The following ADH7 variants were observed in gnomAD, a reference collection of about 807,000 sequenced individuals.
ADH7 encodes alcohol dehydrogenase 7 (class IV), mu or sigma polypeptide, also known as all-trans-retinol dehydrogenase [NAD(+)] ADH7.
Under a neutral mutation model 34.4 loss-of-function variants are expected in ADH7, and 41 were observed. That is an observed-to-expected ratio of 1.19 (90% CI 0.93 to 1.55). The LOEUF (loss-of-function observed/expected upper bound fraction) is 1.55, where lower values mean the gene tolerates loss of function less well. Ranked by LOEUF, ADH7 falls within the 40% of genes most tolerant of loss-of-function variation. The probability of loss-of-function intolerance (pLI) is 0.00; values close to 1 mark genes in which losing one functional copy is unlikely to be tolerated. For synonymous variants in ADH7, 180 were observed against 160.9 expected, an observed-to-expected ratio of 1.12 and a Z score of -0.90; for missense variants, 540 against 461.2, an observed-to-expected ratio of 1.17 and a Z score of -1.56.
chr4:99,430,511 T>A (rs191380566), intron 1 of ADH7, among the ~76,000 whole-genome samples: 1 of 152,332 alleles, frequency 6.6e-6, no homozygotes, highest in African/African-American at 2.4e-5. Context: ...AATTAATTTG[T>A]TCAGATGCAA....
At chr4:99,424,291 A>G (rs1326555701) in intron 5 of ADH7, among the ~76,000 whole-genome samples, 12 of 152,164 alleles carry the variant, frequency 7.9e-5, no homozygotes, top group Non-Finnish European at 1.8e-4. Context: ...GCCTTGTAGT[A>G]TAGTTTGAAG....
chr4:99,422,584 A>T (rs1721692073), intron 5 of ADH7, among the ~76,000 whole-genome samples: 1 of 152,166 alleles, frequency 6.6e-6, no homozygotes, highest in Admixed American at 6.5e-5. Flanking sequence ...ATACCTGTGT[A>T]ACAAACCTGC....
chr4:99,434,333 T>A (rs17529530), intron 1 of ADH7, among the ~76,000 whole-genome samples: 3,613 of 152,244 alleles, frequency 0.024, 82 homozygotes, highest in Non-Finnish European at 0.037. Context: ...CTGACCCAAA[T>A]TAGGATGGTT....
intron 4 of ADH7, 44 bp downstream of exon 4, chr4:99,428,043 A>G (rs1275030867): frequency 1.2e-6 from 2 of 1,612,770 alleles, no homozygotes; most frequent in Middle Eastern, 3.3e-4. Flanking sequence ...AAATTAGCAT[A>G]GGAAAAATGT....
At chr4:99,432,292 C>A (rs1381666782) in intron 1 of ADH7, among the ~76,000 whole-genome samples, 1 of 151,956 alleles carries the variant, frequency 6.6e-6, no homozygotes, top group African/African-American at 2.4e-5. Context: ...AAGAAAAGAA[C>A]AATGGACACC....
chr4:99,430,850 T>C (rs994824784), intron 1 of ADH7, among the ~76,000 whole-genome samples: 1 of 152,092 alleles, frequency 6.6e-6, no homozygotes, highest in Non-Finnish European at 1.5e-5. Flanking sequence ...TAGGCTGGAG[T>C]GTAGTGGCGC....
rs1721858424 is a variant in ADH7 at position 99,428,194 on chromosome 4, A to G, written c.260-20T>C. ...TGTCACCTACAGGAAAAAAATCATG[A>G]TATAAGATGCTGTTCATTAATGTTA... On this transcript the variant is annotated intron_variant, in intron 3 of 8. Coordinates refer to ENST00000437033, the MANE Select transcript of ADH7 (RefSeq NM_000673.7). 2 of 1,587,912 alleles carry G rather than the reference A, an allele frequency of 1.3e-6. No homozygotes were observed. Among genetic ancestry groups the G allele is most frequent in the East Asian group, 2.2e-5 (1 of 44,758 alleles).
Position 99,435,289 on chromosome 4 carries a change from C to T in ADH7, c.-56G>A. 1 of 1,611,114 alleles carries T rather than the reference C, an allele frequency of 6.2e-7. No homozygotes were observed. Among genetic ancestry groups the T allele is most frequent in the African/African-American group, 1.3e-5 (1 of 74,982 alleles). On this transcript the variant is annotated 5_prime_UTR_variant, in exon 1 of 9. Transcript: ENST00000437033. The stretch of plus-strand genomic sequence containing the variant: ...AAACATAGACTTTTTCTGACTGATG[C>T]TCAGTTCACTCTGTTGTATATAACA...
intron 7 of ADH7, among the ~76,000 whole-genome samples, chr4:99,417,412 C>A (rs1032830031): frequency 1.3e-5 from 2 of 152,096 alleles, no homozygotes; most frequent in African/African-American, 4.8e-5. Flanking sequence ...CTGGAATATT[C>A]TTTCCCAAGA....
Position 99,412,292 on chromosome 4 carries a change from T to C in ADH7, c.*856A>G, listed in dbSNP as rs1721425747. 6.6e-6 allele frequency: 1 copy of C among 152,134 alleles called. No individual in the cohort carries two copies. The highest frequency in any genetic ancestry group is 1.5e-5 in the Non-Finnish European group (1 of 67,980). 9.4% of individuals were successfully genotyped at this position (152,134 alleles called of 1,614,324 possible). The stretch of plus-strand genomic sequence containing the variant: ...ATATAATTTTTAATTTTCTTAAGAA[T>C]TTTTAACATGTTATAGATATATATA... On this transcript the variant is annotated 3_prime_UTR_variant, in exon 9 of 9. Transcript: ENST00000437033.
chr4:99,422,914 A>G (rs1464254930), intron 5 of ADH7, among the ~76,000 whole-genome samples: 1 of 146,864 alleles, frequency 6.8e-6, no homozygotes, highest in African/African-American at 2.5e-5. Context: ...TTTAGGGTAC[A>G]TGTGCACAAT....
intron 6 of ADH7, among the ~76,000 whole-genome samples, chr4:99,419,503 A>T (rs1721599472): frequency 6.6e-6 from 1 of 152,074 alleles, no homozygotes; most frequent in Admixed American, 6.6e-5. Context: ...TTTTAAGTTT[A>T]GTCTTAAAAT....
chr4:99,418,924 C>G (rs1721583163), intron 7 of ADH7, 62 bp downstream of exon 7: 1 of 1,586,440 alleles, frequency 6.3e-7, no homozygotes, highest in African/African-American at 1.3e-5. Context: ...CAGGCTTCTC[C>G]CACTTGCCAA....
At chr4:99,413,331 T>C (rs566498428) in intron 8 of ADH7, among the ~76,000 whole-genome samples, 159 bp from the exon 9 acceptor site, 1 of 152,342 alleles carries the variant, frequency 6.6e-6, no homozygotes, top group Non-Finnish European at 1.5e-5. Context: ...GTTTTCTTTG[T>C]TACGCAACTC....
At chr4:99,423,664 C>T (rs1279336977) in intron 5 of ADH7, among the ~76,000 whole-genome samples, 2 of 152,370 alleles carry the variant, frequency 1.3e-5, no homozygotes, top group Non-Finnish European at 2.9e-5. Flanking sequence ...TTTTTGGCTG[C>T]ATAAATGTCT....
At chr4:99,419,176 TA>T in intron 6 of ADH7, 55 bp from the exon 7 acceptor site, 1 of 1,578,944 alleles carries the variant, frequency 6.3e-7, no homozygotes, top group Non-Finnish European at 8.6e-7. Flanking sequence ...CAGTGTGACA[TA>T]AGCTCTGAAA....
rs1385070423 is a variant in ADH7 at position 99,412,318 on chromosome 4, G to A, written c.*830C>T. 1 of 151,864 alleles carries A rather than the reference G, an allele frequency of 6.6e-6. No homozygotes were observed. Among genetic ancestry groups the A allele is most frequent in the Non-Finnish European group, 1.5e-5 (1 of 67,946 alleles). The allele number at this position is 151,864 out of a possible 1,614,324, so 9.4% of individuals were successfully genotyped here. ...TTTTAACATGTTATAGATATATATA[G>A]ATACATCAGTGTAGTTGTTAAAAAC... On this transcript the variant is annotated 3_prime_UTR_variant, in exon 9 of 9. Coordinates refer to ENST00000437033, the MANE Select transcript of ADH7 (RefSeq NM_000673.7).
intron 1 of ADH7, 32 bp downstream of exon 1, chr4:99,435,184 T>C (rs374447576): frequency 1.7e-5 from 27 of 1,609,756 alleles, no homozygotes; most frequent in South Asian, 3.3e-5. Flanking sequence ...CATTAGGTCA[T>C]GATGAGGAGG....
At chr4:99,420,504 T>A in intron 6 of ADH7, 29 bp downstream of exon 6, 4 of 1,605,068 alleles carry the variant, frequency 2.5e-6, no homozygotes, top group Non-Finnish European at 3.4e-6. Context: ...ACTTGGGTAT[T>A]TTGTGGCTTC....
Sources: gnomAD v4.1 joint callset for allele counts (sites outside exome capture counted in the v4.1 genomes callset) on GRCh38, gnomAD v4.1.1 for gene constraint, MANE v1.5 for transcripts, NCBI Gene and HGNC (gene_info 2026-07-23, HGNC 2026-07-21) for gene names.